The following KDM3A variants were observed in gnomAD, a reference collection of about 807,000 sequenced individuals.
KDM3A encodes lysine-specific demethylase 3A.
A neutral mutation model predicts 158.0 loss-of-function variants in KDM3A; 60 were observed. The observed-to-expected ratio is 0.38, with a 90% CI of 0.31 to 0.47. The LOEUF (loss-of-function observed/expected upper bound fraction) is 0.47. Ranked by LOEUF, KDM3A falls within the 20% of genes least tolerant of loss-of-function variation. The probability of loss-of-function intolerance (pLI) is 0.99; values close to 1 mark genes in which losing one functional copy is unlikely to be tolerated. For missense variants in KDM3A, 1,319 were observed against 1,574.3 expected (o/e 0.84, Z 2.74); for synonymous variants, 608 against 549.3 (o/e 1.11, Z -1.49).
At position 86,456,489 on chromosome 2, in the gene KDM3A, C is replaced by G. The variant is rs754782975; in HGVS notation, c.604C>G (p.Pro202Ala). ...AGAAGTAAAAATTTATAGCTTGGAC[C>G]CATCTACTCAGTGGTTTTCAGCAAC... ...GSEVKIYSLD[P>A]STQWFSATVI... Residue 202 changes from proline (P) to alanine (A), a missense_variant, in exon 6 of 26, where the codon CCA (proline) becomes GCA (alanine). Pro to Ala is a conservative substitution (Grantham distance 27, BLOSUM62 -1). Around this residue, in one of 4 missense-constraint regions of KDM3A, gnomAD observed 652 missense variants for 627.2 expected, o/e 1.04. Coordinates refer to ENST00000312912, the MANE Select transcript of KDM3A (RefSeq NM_018433.6). The G allele has an allele frequency of 1.9e-6, 3 of 1,598,572 alleles. No individual in the cohort carries two copies. The highest frequency in any genetic ancestry group is 2.6e-6 in the Non-Finnish European group (3 of 1,170,806).
chr2:86,459,040 G>A (rs1672819067), intron 8 of KDM3A, among the ~76,000 whole-genome samples: 1 of 152,132 alleles, frequency 6.6e-6, no homozygotes, highest in South Asian at 2.1e-4. Context: ...AAGAAGCACA[G>A]GAATCTAGCT....
chr2:86,451,993 A>G (rs1672490932), intron 4 of KDM3A, among the ~76,000 whole-genome samples: 1 of 152,198 alleles, frequency 6.6e-6, no homozygotes, highest in Non-Finnish European at 1.5e-5. Context: ...CCTATTTGCT[A>G]AAATATATTT....
At chr2:86,477,116 G>A (rs66912486) in intron 12 of KDM3A, among the ~76,000 whole-genome samples, 28,219 of 152,142 alleles carry the variant, frequency 0.19, 3,148 homozygotes, top group African/African-American at 0.31. Context: ...ATCCAGTTTT[G>A]GAAGGCCTCT....
Position 86,456,549 on chromosome 2 carries a change from C to T in KDM3A, c.664C>T (p.Gln222Ter). 1 of 1,607,484 alleles carries T rather than the reference C, an allele frequency of 6.2e-7. No individual in the cohort carries two copies. Among genetic ancestry groups the T allele is most frequent in the Non-Finnish European group, 8.5e-7 (1 of 1,177,364 alleles). ...INGNPASKTL[Q>*]VNCEEIPALK... ...TGGAAACCCAGCATCAAAAACTCTT[C>T]AAGTCAACTGTGAGGAGGTAAAGAC... The change falls in exon 6 of 26, where the codon CAA becomes TAA. Residue 222 changes from glutamine to a stop codon, truncating the protein, a stop_gained. Transcript: ENST00000312912. LOFTEE classifies it high-confidence loss of function.
chr2:86,442,336 G>C (rs1267567003), intron 2 of KDM3A, 103 bp downstream of exon 2: 1 of 1,099,440 alleles, frequency 9.1e-7, no homozygotes, highest in East Asian at 2.5e-5. Flanking sequence ...AGACCAGAAA[G>C]TTGGCATATG....
intron 11 of KDM3A, 122 bp from the exon 12 acceptor site, chr2:86,474,654 A>T (rs1673569607): frequency 3.1e-6 from 2 of 650,684 alleles, no homozygotes; most frequent in Non-Finnish European, 5.2e-6. Context: ...ACAGAGCGAG[A>T]CTCCATCCCA....
intron 8 of KDM3A, chr2:86,460,640 C>T (rs1006957652): frequency 6.6e-6 from 1 of 152,200 alleles, no homozygotes; most frequent in Admixed American, 6.5e-5. Flanking sequence ...TGAAGGTCTT[C>T]TCTGCCTAGC....
intron 6 of KDM3A, 55 bp downstream of exon 6, chr2:86,456,621 C>T: frequency 1.3e-6 from 2 of 1,520,710 alleles, no homozygotes; most frequent in Non-Finnish European, 1.8e-6. Context: ...GATAACTATA[C>T]AAAGCATTTA....
intron 2 of KDM3A, among the ~76,000 whole-genome samples, chr2:86,444,772 A>G (rs1258407434): frequency 6.6e-6 from 1 of 152,162 alleles, no homozygotes; most frequent in Non-Finnish European, 1.5e-5. Flanking sequence ...GCTTGTTTAG[A>G]TAGTTATGGA....
chr2:86,470,509 G>A, intron 11 of KDM3A, 101 bp downstream of exon 11: 1 of 935,488 alleles, frequency 1.1e-6, no homozygotes, highest in Admixed American at 2.3e-5. Context: ...AAATCTAGAA[G>A]TAAAAAGGTG....
At chr2:86,479,673 A>G (rs552578884) in intron 15 of KDM3A, 1 of 152,796 alleles carries the variant, frequency 6.5e-6, no homozygotes, top group East Asian at 1.9e-4. Context: ...CTTAGATTTA[A>G]TTTATGGGTT....
rs146921281 is a variant in KDM3A, at chr2:86,471,737, G to A, written c.1724+1329G>A. On this transcript the variant is annotated intron_variant, in intron 11 of 25. Transcript: ENST00000312912. Reference sequence around the variant, plus strand: ...CGAAGTAAGAGTTTTTTAGGTACTAGTTTGCCCCATTCATCCCTTTGTAAA... The same window carrying A: ...CGAAGTAAGAGTTTTTTAGGTACTAATTTGCCCCATTCATCCCTTTGTAAA... Among the ~76,000 whole-genome samples the A allele has an allele frequency of 3.2e-3, 487 of 152,280 alleles. 2 individuals are homozygous for A. Among genetic ancestry groups the A allele is most frequent in the Middle Eastern group, 0.014 (4 of 294 alleles).
chr2:86,466,039 T>G (rs1366925370), intron 9 of KDM3A, among the ~76,000 whole-genome samples: 1 of 152,044 alleles, frequency 6.6e-6, no homozygotes, highest in Non-Finnish European at 1.5e-5. Context: ...CTGAGTATAT[T>G]CTTTGGTTTC....
At chr2:86,441,656 G>C (rs956134849) in intron 1 of KDM3A, among the ~76,000 whole-genome samples, 5 of 150,958 alleles carry the variant, frequency 3.3e-5, no homozygotes, top group Non-Finnish European at 7.4e-5. Context: ...CCGGGGCGGG[G>C]ACCCAGCCGC....
intron 4 of KDM3A, among the ~76,000 whole-genome samples, chr2:86,453,981 T>G (rs1032750019): frequency 6.6e-6 from 1 of 152,190 alleles, no homozygotes; most frequent in African/African-American, 2.4e-5. Context: ...AGTTTCTGTA[T>G]TACATTTATC....
chr2:86,457,711 T>G (rs1051387161), intron 8 of KDM3A, among the ~76,000 whole-genome samples: 1 of 152,164 alleles, frequency 6.6e-6, no homozygotes, highest in African/African-American at 2.4e-5. Flanking sequence ...CTGAGTAGTT[T>G]GGGTGTTGAA....
chr2:86,472,107 T>C (rs1223962747), intron 11 of KDM3A, among the ~76,000 whole-genome samples: 1 of 152,094 alleles, frequency 6.6e-6, no homozygotes, highest in Non-Finnish European at 1.5e-5. Context: ...GCAAAGGCAT[T>C]TTAGGGAAGG....
intron 10 of KDM3A, among the ~76,000 whole-genome samples, chr2:86,469,905 A>G (rs1673324944): frequency 6.6e-6 from 1 of 152,226 alleles, no homozygotes; most frequent in Non-Finnish European, 1.5e-5. Flanking sequence ...CCTAAAATGT[A>G]GAGTTGTGAA....
At chr2:86,489,914 G>A (rs1028520533) in intron 23 of KDM3A, 7 of 348,772 alleles carry the variant, frequency 2.0e-5, no homozygotes, top group Non-Finnish European at 3.1e-5. Flanking sequence ...AGAGATTTTT[G>A]TTCTCTGCTT....
Sources: gnomAD v4.1 joint callset for allele counts (sites outside exome capture counted in the v4.1 genomes callset) on GRCh38, gnomAD v4.1.1 for gene constraint, gnomAD v4.1.1 regional missense constraint, MANE v1.5 for transcripts, NCBI Gene and HGNC (gene_info 2026-07-23, HGNC 2026-07-21) for gene names.